COL28A1: variants seen among roughly 807,000 people sequenced by gnomAD.
The protein encoded by COL28A1 is collagen alpha-1(XXVIII) chain.
Under a neutral mutation model 150.2 loss-of-function variants are expected in COL28A1, and 161 were observed. The ratio of observed to expected loss-of-function variants is 1.07; its 90% CI spans 0.94 to 1.22. COL28A1 has a LOEUF of 1.22. COL28A1 is among the 50% of genes most tolerant of loss of function. The pLI is 0.00. For synonymous variants in COL28A1, 552 were observed against 469.7 expected (o/e 1.18, Z -2.26); for missense variants, 1,617 against 1,388.3 (o/e 1.16, Z -2.62).
chr7:7,504,559 C>T (rs1310665440), intron 11 of COL28A1, among the ~76,000 whole-genome samples: 1 of 152,108 alleles, frequency 6.6e-6, no homozygotes, highest in Non-Finnish European at 1.5e-5. Context: ...TTTTTATGGA[C>T]CATTCCCTAC....
At chr7:7,403,108 AG>A (rs1031146577) in intron 27 of COL28A1, among the ~76,000 whole-genome samples, 2 of 152,190 alleles carry the variant, frequency 1.3e-5, no homozygotes, top group African/African-American at 4.8e-5. Flanking sequence ...TTCAAGAGAC[AG>A]GGAAGGCTTC....
At chr7:7,354,852 G>A (rs905772034), downstream of COL28A1, among the ~76,000 whole-genome samples, 9 of 152,256 alleles carry the variant, frequency 5.9e-5, no homozygotes, top group African/African-American at 2.2e-4. Flanking sequence ...TATTCAAGGT[G>A]GAGTCACTCT....
intron 30 of COL28A1, among the ~76,000 whole-genome samples, chr7:7,379,520 G>A (rs1210622440): frequency 6.6e-6 from 1 of 151,874 alleles, no homozygotes; most frequent in African/African-American, 2.4e-5. Flanking sequence ...GAACATCTTT[G>A]TTGTCTTTCT....
chr7:7,529,027 C>G (rs1218617240), intron 3 of COL28A1, among the ~76,000 whole-genome samples: 10 of 151,934 alleles, frequency 6.6e-5, no homozygotes, highest in Admixed American at 6.6e-4. Flanking sequence ...CTGGGCCCGG[C>G]GCGATGGCTC....
chr7:7,515,003 C>T (rs567734593), intron 8 of COL28A1, among the ~76,000 whole-genome samples: 136 of 152,272 alleles, frequency 8.9e-4, no homozygotes, highest in Non-Finnish European at 1.8e-3. Flanking sequence ...AGACCTCCTG[C>T]AGACTCCTGG....
chr7:7,543,804 G>A, the COL28A1 span, among the ~76,000 whole-genome samples: 20 of 150,186 alleles, frequency 1.3e-4, no homozygotes, highest in African/African-American at 1.9e-4. Context: ...TAATATCTGC[G>A]GTTAACAACT....
At chr7:7,474,255 A>G (rs2128350719) in intron 15 of COL28A1, among the ~76,000 whole-genome samples, 1 of 152,082 alleles carries the variant, frequency 6.6e-6, no homozygotes, top group Non-Finnish European at 1.5e-5. Context: ...ACGCAAAGGC[A>G]TAAGAAAGAC....
chr7:7,458,752 G>A (rs528814015), intron 15 of COL28A1, among the ~76,000 whole-genome samples: 3 of 152,152 alleles, frequency 2.0e-5, no homozygotes, highest in East Asian at 1.9e-4. Flanking sequence ...TCAGATGAGT[G>A]TAAGTAACTC....
At chr7:7,403,410 G>A (rs1783325913) in intron 27 of COL28A1, among the ~76,000 whole-genome samples, 1 of 152,070 alleles carries the variant, frequency 6.6e-6, no homozygotes, top group African/African-American at 2.4e-5. Context: ...CTTTTGACTT[G>A]TTTTCTTGAT....
chr7:7,348,191 G>T, the COL28A1 span, among the ~76,000 whole-genome samples: 6 of 152,026 alleles, frequency 3.9e-5, no homozygotes, highest in South Asian at 2.1e-4. Context: ...TAACTAAGAC[G>T]AGGACAATGA....
downstream of COL28A1, among the ~76,000 whole-genome samples, chr7:7,354,857 C>T (rs1252165289): frequency 6.6e-6 from 1 of 152,146 alleles, no homozygotes; most frequent in Non-Finnish European, 1.5e-5. Context: ...AAGGTGGAGT[C>T]ACTCTGGTTT....
chr7:7,522,806 C>CCAAAAAAAAAAAAAAAAAAAAAAAAAAA (rs1460030225), intron 4 of COL28A1, among the ~76,000 whole-genome samples: 1 of 93,158 alleles, frequency 1.1e-5, no homozygotes, highest in African/African-American at 5.1e-5. Context: ...AGCTGAAGAG[C>CCAAAAAAAAAAAAAAAAAAAAAAAAAAA]AAAAAAAAAA....
intron 14 of COL28A1, 89 bp from the exon 15 acceptor site, chr7:7,474,758 A>T: frequency 1.3e-6 from 1 of 753,750 alleles, no homozygotes; most frequent in Admixed American, 2.2e-5. Flanking sequence ...ATTGTGCTTC[A>T]AAATTATTTT....
At chr7:7,360,281 C>T in intron 34 of COL28A1, 109 bp downstream of exon 34, 1 of 1,113,160 alleles carries the variant, frequency 9.0e-7, no homozygotes, top group Non-Finnish European at 1.2e-6. Context: ...GTGCCTTCCT[C>T]ACATTGTAGA....
intron 27 of COL28A1, among the ~76,000 whole-genome samples, chr7:7,402,014 G>A (rs1360456253): frequency 6.6e-6 from 1 of 152,146 alleles, no homozygotes; most frequent in Admixed American, 6.5e-5. Context: ...GAGTACAGAA[G>A]GACAAATAAC....
chr7:7,514,034 C>T (rs1216843252), intron 8 of COL28A1, among the ~76,000 whole-genome samples: 3 of 152,160 alleles, frequency 2.0e-5, no homozygotes, highest in Non-Finnish European at 2.9e-5. Flanking sequence ...GGTCACTTTG[C>T]TCTGACAGCT....
chr7:7,415,210 C>A (rs575313630), intron 27 of COL28A1, among the ~76,000 whole-genome samples: 1 of 152,150 alleles, frequency 6.6e-6, no homozygotes, highest in African/African-American at 2.4e-5. Context: ...CAAAGCTTTC[C>A]GTCAAAGGCT....
intron 18 of COL28A1, 118 bp from the exon 19 acceptor site, chr7:7,444,607 TA>T (rs1786108802): frequency 1.1e-6 from 1 of 943,992 alleles, no homozygotes; most frequent in Non-Finnish European, 1.6e-6. Context: ...CATTAGCAAT[TA>T]ATACTAAACT....
intron 27 of COL28A1, among the ~76,000 whole-genome samples, chr7:7,412,280 A>T (rs991834850): frequency 6.6e-6 from 1 of 152,108 alleles, no homozygotes; most frequent in South Asian, 2.1e-4. Flanking sequence ...TAAATGGAAG[A>T]CAAGGTTTTC....
Sources: allele counts gnomAD v4.1 joint callset (sites outside exome capture counted in the v4.1 genomes callset), GRCh38; gene constraint gnomAD v4.1.1; transcripts MANE v1.5; gene names NCBI Gene and HGNC (gene_info 2026-07-23, HGNC 2026-07-21).